Variants in DNMBP observed in about 807,000 individuals in gnomAD.
The protein encoded by DNMBP is dynamin binding protein.
In DNMBP, 87 loss-of-function variants were observed where a neutral mutation model predicts 150.0. That is an observed-to-expected ratio of 0.58 (90% CI 0.49 to 0.69). The LOEUF (loss-of-function observed/expected upper bound fraction) is 0.69, where lower values mean the gene tolerates loss of function less well. Ranked by LOEUF, DNMBP falls within the 30% of genes least tolerant of loss-of-function variation. The probability of loss-of-function intolerance (pLI) is 0.00; values close to 1 mark genes in which losing one functional copy is unlikely to be tolerated. For synonymous variants in DNMBP, 711 were observed against 750.4 expected (o/e 0.95, Z 0.86); for missense variants, 1,774 against 1,949.0 (o/e 0.91, Z 1.69).
Position 99,877,180 on chromosome 10 carries a change from T to A in DNMBP, c.4705A>T (p.Asn1569Tyr). Residue 1569 changes from asparagine (N) to tyrosine (Y), a missense_variant, in exon 17 of 17, where the codon AAT becomes TAT. Around this residue, in one of 2 missense-constraint regions of DNMBP, gnomAD observed 1,430 missense variants for 1,492.5 expected, o/e 0.96. Transcript: ENST00000324109. The stretch of plus-strand genomic sequence containing the variant: ...GTGTACTCGGTTTTGCGGATATAAT[T>A]GGAGGGAACGTAGCCCTTCTTCCCG... ...VNGKKGYVPS[N>Y]YIRKTEYT 1 of 1,612,722 alleles carries A rather than the reference T, an allele frequency of 6.2e-7. No individual in the cohort carries two copies. The highest frequency in any genetic ancestry group is 8.5e-7 in the Non-Finnish European group (1 of 1,179,522).
chr10:99,979,194 T>C (rs1420320002), intron 1 of DNMBP, among the ~76,000 whole-genome samples: 7 of 152,216 alleles, frequency 4.6e-5, no homozygotes, highest in Non-Finnish European at 1.0e-4. Flanking sequence ...TCACCCAACA[T>C]TCTAGGTATT....
At chr10:99,943,170 A>C (rs1281493540) in intron 4 of DNMBP, among the ~76,000 whole-genome samples, 1 of 152,082 alleles carries the variant, frequency 6.6e-6, no homozygotes, top group African/African-American at 2.4e-5. Context: ...CTGTAATCTC[A>C]GTTACTTAGG....
intron 4 of DNMBP, among the ~76,000 whole-genome samples, chr10:99,910,737 C>T (rs540864637): frequency 5.3e-5 from 8 of 152,280 alleles, no homozygotes; most frequent in Admixed American, 3.9e-4. Context: ...TCAAAGGGCA[C>T]AGAGGCCAGC....
chr10:99,924,016 T>C (rs759525232), intron 4 of DNMBP, among the ~76,000 whole-genome samples: 21 of 152,118 alleles, frequency 1.4e-4, no homozygotes, highest in Non-Finnish European at 2.9e-4. Context: ...TAGCCAGGCA[T>C]GGTGGTGCAT....
chr10:99,937,686 C>G (rs905545662), intron 4 of DNMBP, among the ~76,000 whole-genome samples: 19 of 152,198 alleles, frequency 1.2e-4, no homozygotes, highest in Non-Finnish European at 2.5e-4. Flanking sequence ...CCAGTCCTGG[C>G]CGACCAACCC....
At position 99,881,352 on chromosome 10, in the gene DNMBP, CTGTT is replaced by C. The variant is rs1361581688; in HGVS notation, c.3998-995_3998-992del. ...TGGAAGGATGTTCTAACGTAGGAAA[CTGTT>C]TGTTAGAATATACACGTAACGTGTA... On this transcript the variant is annotated intron_variant, in intron 15 of 16. Coordinates refer to ENST00000324109, the MANE Select transcript of DNMBP (RefSeq NM_015221.4). 3.9e-5 allele frequency among the ~76,000 whole-genome samples: 6 copies of C among 152,258 alleles called. No homozygotes were observed. The South Asian group carries it at 6.2e-4, about 16-fold the overall frequency.
intron 1 of DNMBP, among the ~76,000 whole-genome samples, chr10:99,990,810 CAT>C (rs10531743): frequency 0.42 from 61,208 of 146,576 alleles, 13,106 homozygotes; most frequent in African/African-American, 0.55. Flanking sequence ...CATATATACA[CAT>C]ATATATATAT....
At chr10:99,984,527 A>G (rs1206816898) in intron 1 of DNMBP, among the ~76,000 whole-genome samples, 1 of 152,252 alleles carries the variant, frequency 6.6e-6, no homozygotes, top group Non-Finnish European at 1.5e-5. Context: ...AAAGAACACA[A>G]TAAACGTGTA....
chr10:99,997,803 C>A (rs1023408787), intron 1 of DNMBP, among the ~76,000 whole-genome samples: 15 of 151,404 alleles, frequency 9.9e-5, no homozygotes, highest in Non-Finnish European at 2.1e-4. Context: ...TGGCTCACAC[C>A]CATAATTCAA....
chr10:99,987,112 G>A (rs575322609), intron 1 of DNMBP, among the ~76,000 whole-genome samples: 53 of 148,088 alleles, frequency 3.6e-4, no homozygotes, highest in African/African-American at 1.3e-3. Context: ...CTGAGATCGC[G>A]CCACTGCACT....
chr10:99,907,190 G>C (rs1296365388), intron 6 of DNMBP, among the ~76,000 whole-genome samples: 1 of 151,834 alleles, frequency 6.6e-6, no homozygotes, highest in Non-Finnish European at 1.5e-5. Flanking sequence ...AGCTGGGCGT[G>C]GTGGCACATG....
At chr10:99,919,977 A>G (rs1456482184) in intron 4 of DNMBP, among the ~76,000 whole-genome samples, 1 of 152,232 alleles carries the variant, frequency 6.6e-6, no homozygotes, top group Non-Finnish European at 1.5e-5. Flanking sequence ...CATGAAACAA[A>G]AGAATAAGAC....
rs1304894049 is a variant in DNMBP at position 99,935,841 on chromosome 10, A to G, written c.2260+19373T>C. 2.0e-5 allele frequency among the ~76,000 whole-genome samples: 3 copies of G among 152,222 alleles called. No homozygotes were observed. The East Asian group carries it at 5.8e-4, about 29-fold the overall frequency. ...CGGCCTCCCGAAGTGCTGGGATTGC[A>G]GGCGTGAGCCACCGCACCTGGCCTA... On this transcript the variant is annotated intron_variant, in intron 4 of 16. Transcript: ENST00000324109.
At chr10:99,913,818 G>A in intron 4 of DNMBP, 1 of 932,960 alleles carries the variant, frequency 1.1e-6, no homozygotes, top group Non-Finnish European at 1.4e-6. Context: ...CCCTTCCCTT[G>A]CCTCAGAAAG....
intron 1 of DNMBP, among the ~76,000 whole-genome samples, chr10:99,990,700 CACAT>C (rs1589451650): frequency 6.7e-6 from 1 of 149,944 alleles, no homozygotes; most frequent in East Asian, 1.9e-4. Flanking sequence ...TATATACACA[CACAT>C]ATATACACAC....
Position 99,876,211 on chromosome 10 carries a change from A to G in DNMBP, c.*940T>C, listed in dbSNP as rs1432814678. On this transcript the variant is annotated 3_prime_UTR_variant, in exon 17 of 17. Transcript: ENST00000324109. ...TCATACTGTTACTCTAGGAAAATCT[A>G]TCAATTATTGAGTCCAGGGCAGGGG... 6.6e-6 allele frequency: 1 copy of G among 152,174 alleles called. No individual in the cohort carries two copies. Among genetic ancestry groups the G allele is most frequent in the African/African-American group, 2.4e-5 (1 of 41,434 alleles). 9.4% of individuals were successfully genotyped at this position (152,174 alleles called of 1,614,324 possible).
chr10:99,877,348 A>G lies in DNMBP; in HGVS notation c.4549-12T>C, dbSNP rs2039292625. The G allele has an allele frequency of 6.3e-7, 1 of 1,589,608 alleles. No individual in the cohort carries two copies. The highest frequency in any genetic ancestry group is 1.3e-5 in the African/African-American group (1 of 74,140). On this transcript the variant is annotated splice_polypyrimidine_tract_variant and intron_variant, in intron 16 of 16. Coordinates refer to ENST00000324109, the MANE Select transcript of DNMBP (RefSeq NM_015221.4). ...ACAGCAAAATAGACCTGTGTGAGGG[A>G]GAGAGAGAAAATGGGAAATTGCTGG...
intron 4 of DNMBP, among the ~76,000 whole-genome samples, chr10:99,918,616 G>C (rs539408951): frequency 7.3e-6 from 1 of 136,366 alleles, no homozygotes; most frequent in East Asian, 2.1e-4. Flanking sequence ...GCCCAGGCTA[G>C]AGTGCAGTGG....
At chr10:100,003,718 A>G (rs148581702) in intron 1 of DNMBP, among the ~76,000 whole-genome samples, 18 of 152,022 alleles carry the variant, frequency 1.2e-4, no homozygotes, top group African/African-American at 3.9e-4. Flanking sequence ...ACAACAAAAA[A>G]CTTATAAAAA....
Sources: gnomAD v4.1 joint callset for allele counts (sites outside exome capture counted in the v4.1 genomes callset) on GRCh38, gnomAD v4.1.1 for gene constraint, gnomAD v4.1.1 regional missense constraint, MANE v1.5 for transcripts, NCBI Gene and HGNC (gene_info 2026-07-23, HGNC 2026-07-21) for gene names.